Variants in PTPRZ1 observed in about 807,000 individuals in gnomAD.
The protein encoded by PTPRZ1 is protein tyrosine phosphatase receptor type Z1.
PTPRZ1 carries 82 observed loss-of-function variants against 214.1 expected under a neutral mutation model. That is an observed-to-expected ratio of 0.38 (90% CI 0.32 to 0.46). The LOEUF is 0.46. PTPRZ1 is among the 20% of genes least tolerant of loss of function. The pLI, the probability that PTPRZ1 is intolerant of heterozygous loss-of-function variation, is 1.00. For missense variants in PTPRZ1, 2,603 were observed against 2,748.7 expected (o/e 0.95, Z 1.19); for synonymous variants, 945 against 987.9 (o/e 0.96, Z 0.81).
intron 10 of PTPRZ1, among the ~76,000 whole-genome samples, chr7:121,999,527 A>T (rs898915094): frequency 6.6e-6 from 1 of 152,132 alleles, no homozygotes; most frequent in African/African-American, 2.4e-5. Flanking sequence ...ACCTTTATTT[A>T]TGCATTTTGA....
rs770023252 is a variant in PTPRZ1 at position 122,011,493 on chromosome 7, G to T, written c.2447G>T (p.Gly816Val). ...GAATCCATCCTGTCTTCCTATGATGGTGCACCTTTGCTTCCATTTTCCTCT... is the reference window on the plus strand; with the variant it reads ...GAATCCATCCTGTCTTCCTATGATGTTGCACCTTTGCTTCCATTTTCCTCT... ...SFESILSSYD[G>V]APLLPFSSAS... Residue 816 changes from glycine to valine, a missense_variant, in exon 12 of 30, where the codon GGT becomes GTT. Physicochemically the swap from Gly to Val is moderately radical, Grantham distance 109 (BLOSUM62 -3). Transcript: ENST00000393386. 6.2e-7 allele frequency: 1 copy of T among 1,613,904 alleles called. No homozygotes were observed. The highest frequency in any genetic ancestry group is 1.1e-5 in the South Asian group (1 of 91,054).
intron 3 of PTPRZ1, among the ~76,000 whole-genome samples, chr7:121,971,081 T>G (rs1015423226): frequency 6.6e-5 from 10 of 152,224 alleles, no homozygotes; most frequent in Admixed American, 4.6e-4. Flanking sequence ...ATTTCTTGTT[T>G]TTTTCAGGTT....
chr7:121,913,953 G>A (rs1584632189), intron 1 of PTPRZ1, among the ~76,000 whole-genome samples: 1 of 152,276 alleles, frequency 6.6e-6, no homozygotes, highest in South Asian at 2.1e-4. Flanking sequence ...CAGCTACACA[G>A]TCTGTATTCA....
intron 7 of PTPRZ1, 65 bp from the exon 8 acceptor site, chr7:121,983,902 C>T: frequency 6.3e-7 from 1 of 1,583,316 alleles, no homozygotes; most frequent in Non-Finnish European, 8.6e-7. Flanking sequence ...TATAAAATAT[C>T]CATTTTAAAG....
intron 14 of PTPRZ1, among the ~76,000 whole-genome samples, 164 bp from the exon 15 acceptor site, chr7:122,031,310 A>G (rs557380356): frequency 6.6e-6 from 1 of 152,174 alleles, no homozygotes; most frequent in African/African-American, 2.4e-5. Context: ...TTGATTGATA[A>G]TAAATGTAGA....
At chr7:122,030,757 T>C (rs1047138031) in intron 14 of PTPRZ1, among the ~76,000 whole-genome samples, 13 of 152,000 alleles carry the variant, frequency 8.6e-5, no homozygotes, top group Non-Finnish European at 1.6e-4. Flanking sequence ...ACTAGTAATA[T>C]ATTCAGTCTA....
intron 17 of PTPRZ1, among the ~76,000 whole-genome samples, chr7:122,035,821 T>A (rs1799518436): frequency 6.6e-6 from 1 of 152,226 alleles, no homozygotes; most frequent in African/African-American, 2.4e-5. Flanking sequence ...ACTGCCATGT[T>A]TCCTTCAAGT....
intron 1 of PTPRZ1, among the ~76,000 whole-genome samples, chr7:121,921,850 A>G (rs1795606646): frequency 6.6e-6 from 1 of 152,212 alleles, no homozygotes; most frequent in Non-Finnish European, 1.5e-5. Context: ...CAGTAAGTGC[A>G]ATGTTTGAGC....
intron 2 of PTPRZ1, among the ~76,000 whole-genome samples, chr7:121,935,833 G>T (rs563153351): frequency 1.3e-5 from 2 of 152,276 alleles, no homozygotes; most frequent in African/African-American, 4.8e-5. Flanking sequence ...CTCCCCAAGT[G>T]CTGGGATTAC....
chr7:121,997,667 C>CA (rs200025096), intron 9 of PTPRZ1, among the ~76,000 whole-genome samples: 19,261 of 81,872 alleles, frequency 0.24, 1,179 homozygotes, highest in East Asian at 0.28. Flanking sequence ...TTTTAAAAAG[C>CA]AAAAAAAAAA....
intron 23 of PTPRZ1, among the ~76,000 whole-genome samples, chr7:122,045,001 A>G (rs1184241484): frequency 6.6e-6 from 1 of 152,062 alleles, no homozygotes; most frequent in Non-Finnish European, 1.5e-5. Flanking sequence ...GGACCAAAGT[A>G]GTACACACTG....
intron 6 of PTPRZ1, among the ~76,000 whole-genome samples, chr7:121,977,942 G>A (rs762404662): frequency 6.6e-6 from 1 of 152,084 alleles, no homozygotes; most frequent in Non-Finnish European, 1.5e-5. Context: ...CAGCCTGTGG[G>A]GACAATGAAA....
intron 11 of PTPRZ1, among the ~76,000 whole-genome samples, chr7:122,005,052 G>A (rs531595765): frequency 7.2e-5 from 11 of 151,842 alleles, no homozygotes; most frequent in African/African-American, 2.2e-4. Context: ...AATAACCAAC[G>A]ATTGATAGAT....
chr7:121,898,299 T>C (rs2116250144), intron 1 of PTPRZ1, among the ~76,000 whole-genome samples: 1 of 152,196 alleles, frequency 6.6e-6, no homozygotes, highest in South Asian at 2.1e-4. Flanking sequence ...TTCTATGCTG[T>C]GGAACAGCCT....
intron 2 of PTPRZ1, among the ~76,000 whole-genome samples, chr7:121,953,291 G>C (rs1796612658): frequency 1.3e-5 from 2 of 152,086 alleles, no homozygotes; most frequent in Non-Finnish European, 2.9e-5. Context: ...ATACATTTTA[G>C]GTGTCATAAT....
intron 1 of PTPRZ1, among the ~76,000 whole-genome samples, chr7:121,926,377 G>A (rs1795764492): frequency 6.6e-6 from 1 of 151,744 alleles, no homozygotes; most frequent in Admixed American, 6.6e-5. Flanking sequence ...AAGGGCCTAT[G>A]GTCAAGAACA....
intron 8 of PTPRZ1, among the ~76,000 whole-genome samples, chr7:121,987,302 G>A (rs1797787939): frequency 1.3e-5 from 2 of 152,044 alleles, no homozygotes; most frequent in Admixed American, 6.6e-5. Flanking sequence ...TCTTCTTAAG[G>A]CAGGAAAATT....
intron 2 of PTPRZ1, among the ~76,000 whole-genome samples, chr7:121,958,070 C>T (rs1347003167): frequency 6.6e-6 from 1 of 152,050 alleles, no homozygotes; most frequent in Non-Finnish European, 1.5e-5. Context: ...TAAAAAAATC[C>T]ATTTCTCATC....
Position 122,039,354 on chromosome 7 carries a change from T to C in PTPRZ1, c.5503-100T>C, listed in dbSNP as rs192349515. The C allele has an allele frequency of 1.8e-3, 2,235 of 1,263,332 alleles. 4 individuals carry two copies. The highest frequency in any genetic ancestry group is 3.3e-3 in the South Asian group (224 of 67,628). The allele number at this position is 1,263,332 out of a possible 1,614,324, so 78.3% of individuals were successfully genotyped here. On this transcript the variant is annotated intron_variant, in intron 19 of 29. Coordinates refer to ENST00000393386, the MANE Select transcript of PTPRZ1 (RefSeq NM_002851.3). ...TAAAACATTTAGAAGAGTGAAGGAGTCCATTCCTGTCACCATCTCAGACCT... is the reference window on the plus strand; with the variant it reads ...TAAAACATTTAGAAGAGTGAAGGAGCCCATTCCTGTCACCATCTCAGACCT...
Sources: gnomAD v4.1 joint callset for allele counts (sites outside exome capture counted in the v4.1 genomes callset) on GRCh38, gnomAD v4.1.1 for gene constraint, MANE v1.5 for transcripts, NCBI Gene and HGNC (gene_info 2026-07-23, HGNC 2026-07-21) for gene names.